The following SLC2A7 variants were observed in gnomAD, a reference collection of about 807,000 sequenced individuals.
SLC2A7 encodes the protein solute carrier family 2, facilitated glucose transporter member 7.
SLC2A7 carries 50 observed loss-of-function variants against 50.5 expected under a neutral mutation model. That is an observed-to-expected ratio of 0.99 (90% CI 0.79 to 1.25). The LOEUF (loss-of-function observed/expected upper bound fraction) is 1.25, where lower values mean the gene tolerates loss of function less well. Among genes scored for constraint, SLC2A7 ranks in the 50% most tolerant of loss-of-function variants. SLC2A7 has a pLI of 0.00. For synonymous variants in SLC2A7, 308 were observed against 300.4 expected (o/e 1.03, Z -0.26); for missense variants, 683 against 679.1 (o/e 1.01, Z -0.06).
chr1:9,002,824 G>T (rs2124231615), downstream of SLC2A7, among the ~76,000 whole-genome samples: 1 of 152,324 alleles, frequency 6.6e-6, no homozygotes, highest in South Asian at 2.1e-4. Context: ...TGATCGACAG[G>T]ACAGAGCTGG....
Position 9,013,493 on chromosome 1 carries a change from T to A in SLC2A7, c.1014+32A>T, listed in dbSNP as rs768174122. ...CCTGGCGGCACCTGGCCAGAGACCC[T>A]CCAGCAGGAAGGATGCCTCCTGCTC... On this transcript the variant is annotated intron_variant, in intron 8 of 11. Transcript: ENST00000400906. 152 of 1,592,072 alleles carry A rather than the reference T, an allele frequency of 9.5e-5. No individual in the cohort carries two copies. The Middle Eastern group carries it at 1.3e-3, about 13-fold the overall frequency.
At chr1:9,023,443 T>TA (rs1282196593) in intron 2 of SLC2A7, among the ~76,000 whole-genome samples, 6 of 151,826 alleles carry the variant, frequency 4.0e-5, no homozygotes, top group Admixed American at 1.3e-4. Context: ...CTGTTTCTAC[T>TA]AAAAATACAA....
chr1:9,000,385 G>A (rs759922555), downstream of SLC2A7, among the ~76,000 whole-genome samples: 3 of 151,836 alleles, frequency 2.0e-5, no homozygotes, highest in African/African-American at 4.8e-5. Flanking sequence ...TTGGGAGGCC[G>A]AGACAGATGG....
At chr1:9,019,999 C>G (rs527822343) in intron 3 of SLC2A7, among the ~76,000 whole-genome samples, 4 of 152,316 alleles carry the variant, frequency 2.6e-5, no homozygotes, top group African/African-American at 9.6e-5. Flanking sequence ...AGGCCCTCAC[C>G]AGGAAACAGA....
chr1:9,007,771 CT>C (rs1217880675), intron 9 of SLC2A7, among the ~76,000 whole-genome samples: 1 of 149,700 alleles, frequency 6.7e-6, no homozygotes, highest in Non-Finnish European at 1.5e-5. Flanking sequence ...CAGAGTCTCG[CT>C]CTGTCGCCCA....
At position 9,007,361 on chromosome 1, in the gene SLC2A7, G is replaced by A. The variant is rs532540159; in HGVS notation, c.1141C>T (p.Leu381Phe). Residue 381 changes from leucine (L) to phenylalanine (F), a missense_variant, in exon 10 of 12, where the codon CTC (leucine) becomes TTC (phenylalanine). Physicochemically the swap from Leu to Phe is conservative, Grantham distance 22. Transcript: ENST00000400906. ...TAGGCAAAGACACAGATGATGCCGAGGTAGGACAGCTCGGGGACCCTGTTC... is the reference window on the plus strand; with the variant it reads ...TAGGCAAAGACACAGATGATGCCGAAGTAGGACAGCTCGGGGACCCTGTTC... ...FQNRVPELSY[L>F]GIICVFAYIA... The A allele has an allele frequency of 1.2e-6, 2 of 1,614,228 alleles. No homozygotes were observed. The highest frequency in any genetic ancestry group is 2.2e-5 in the South Asian group (2 of 91,092).
Position 9,006,454 on chromosome 1 carries a change from G to T in SLC2A7, c.1192+856C>A, listed in dbSNP as rs115127013. ...GTAGAAACGGAGTTTCACCTTGTTG[G>T]CTAGGCTGGTCTCGAACTTCTGACC... is the stretch of plus-strand genomic sequence containing the variant. On this transcript the variant is annotated intron_variant, in intron 10 of 11. Transcript: ENST00000400906. 2.9e-3 allele frequency among the ~76,000 whole-genome samples: 436 copies of T among 151,834 alleles called. 6 individuals carry two copies. The highest frequency in any genetic ancestry group is 0.01 in the African/African-American group (423 of 41,336).
rs965078192 is a variant in SLC2A7, at chr1:9,008,789, G to C, written c.1116+1354C>G. Among the ~76,000 whole-genome samples the C allele has an allele frequency of 1.3e-5, 2 of 152,082 alleles. No individual in the cohort carries two copies. Among genetic ancestry groups the C allele is most frequent in the South Asian group, 2.1e-4 (1 of 4,820 alleles). Reference sequence around the variant, plus strand: ...ATTTTGTATTTTTAATAGAGACGGGGTTTCACCACGTGGTCAGGCTGCTCT... The same window carrying C: ...ATTTTGTATTTTTAATAGAGACGGGCTTTCACCACGTGGTCAGGCTGCTCT... On this transcript the variant is annotated intron_variant, in intron 9 of 11. Coordinates refer to ENST00000400906, the MANE Select transcript of SLC2A7 (RefSeq NM_207420.3). This position sits in a 1 kb window ranked among gnomAD's most constrained non-coding sequence, Gnocchi z 5.9.
chr1:9,010,632 A>G (rs1640734529), intron 8 of SLC2A7, among the ~76,000 whole-genome samples: 1 of 152,108 alleles, frequency 6.6e-6, no homozygotes, highest in Admixed American at 6.5e-5. Flanking sequence ...TGCTGGGATT[A>G]CAGGCGTGAG....
In SLC2A7 at chr1:9,023,080, T is replaced by C. The variant is rs1640938776; in HGVS notation, c.151-2A>G. ...TTCGTTGTAAAATGACTTGAAGACCTGGAAAACATTGCCCCATCCACAGCT... is the reference window on the plus strand; with the variant it reads ...TTCGTTGTAAAATGACTTGAAGACCCGGAAAACATTGCCCCATCCACAGCT... On this transcript the variant is annotated splice_acceptor_variant, in intron 2 of 11. Transcript: ENST00000400906. LOFTEE classifies it high-confidence loss of function. The C allele has an allele frequency of 2.5e-6, 4 of 1,612,654 alleles. No individual in the cohort carries two copies. The highest frequency in any genetic ancestry group is 2.7e-5 in the African/African-American group (2 of 75,012).
chr1:8,996,374 G>A, the SLC2A7 span, among the ~76,000 whole-genome samples: 1 of 152,204 alleles, frequency 6.6e-6, no homozygotes, highest in Admixed American at 6.5e-5. Flanking sequence ...TTTTATTGCT[G>A]AATACAATTC....
downstream of SLC2A7, among the ~76,000 whole-genome samples, chr1:9,000,733 T>G (rs181924587): frequency 2.6e-5 from 4 of 151,040 alleles, no homozygotes; most frequent in Non-Finnish European, 5.9e-5. Context: ...GCAAACAGCA[T>G]GTGACTTTCC....
the SLC2A7 span, among the ~76,000 whole-genome samples, chr1:8,995,405 G>A: frequency 8.4e-3 from 1,273 of 151,076 alleles, 12 homozygotes; most frequent in Non-Finnish European, 0.012. Flanking sequence ...CTGAGATCGC[G>A]CCACTGCACT....
chr1:9,017,336 AACAACAACAAC>A (rs1332806574), intron 5 of SLC2A7, among the ~76,000 whole-genome samples: 2 of 151,796 alleles, frequency 1.3e-5, no homozygotes, highest in Non-Finnish European at 2.9e-5. Context: ...ACAACAACAA[AACAACAACAAC>A]AACAACAAAA....
chr1:9,016,610 A>C (rs1394933206), intron 5 of SLC2A7, among the ~76,000 whole-genome samples: 1 of 148,692 alleles, frequency 6.7e-6, no homozygotes, highest in Non-Finnish European at 1.5e-5. Flanking sequence ...CCAGGAAGGA[A>C]GGAAGGAAGG....
chr1:9,004,120 C>A (rs187614468), intron 11 of SLC2A7, among the ~76,000 whole-genome samples: 30 of 151,816 alleles, frequency 2.0e-4, no homozygotes, highest in Non-Finnish European at 3.8e-4. Flanking sequence ...CCAGCACTTT[C>A]GAAGTTTGAG....
intron 9 of SLC2A7, 128 bp from the exon 10 acceptor site, chr1:9,007,513 C>T: frequency 1.3e-6 from 1 of 791,618 alleles, no homozygotes; most frequent in Non-Finnish European, 2.0e-6. Flanking sequence ...CTCCATGGAC[C>T]TTGAGGGCTC....
intron 8 of SLC2A7, among the ~76,000 whole-genome samples, chr1:9,012,140 T>A (rs1006003938): frequency 2.0e-5 from 3 of 152,188 alleles, no homozygotes; most frequent in African/African-American, 7.2e-5. Flanking sequence ...TCATGTTAGC[T>A]GACTCATGTC....
downstream of SLC2A7, among the ~76,000 whole-genome samples, chr1:9,001,096 G>A (rs1640566922): frequency 3.3e-5 from 5 of 152,280 alleles, 1 homozygote; most frequent in South Asian, 1.0e-3. Context: ...TAATTAATAT[G>A]CAAAGTGACA....
Sources: gnomAD v4.1 joint callset for allele counts (sites outside exome capture counted in the v4.1 genomes callset) on GRCh38, gnomAD v4.1.1 for gene constraint, Gnocchi (gnomAD v3.1) non-coding constraint, MANE v1.5 for transcripts, NCBI Gene and HGNC (gene_info 2026-07-23, HGNC 2026-07-21) for gene names.